The following FKBP15 variants were observed in gnomAD, a reference collection of about 807,000 sequenced individuals.
FKBP15 encodes the protein FK506-binding protein 15.
A neutral mutation model predicts 158.1 loss-of-function variants in FKBP15; 106 were observed. The observed-to-expected ratio is 0.67, with a 90% confidence interval of 0.57 to 0.79. FKBP15 has a LOEUF of 0.79. FKBP15 is among the 30% of genes least tolerant of loss of function. The pLI is 0.00. For synonymous variants in FKBP15, 547 were observed against 548.6 expected, an observed-to-expected ratio of 1.00 and a Z score of 0.04; for missense variants, 1,287 against 1,479.1, an observed-to-expected ratio of 0.87 and a Z score of 2.13.
rs1256851020 is a variant in FKBP15 at position 113,161,214 on chromosome 9, CAAG to C, written c.*4861_*4863del. On this transcript the variant is annotated 3_prime_UTR_variant, in exon 28 of 28. Transcript: ENST00000238256. ...GGACCTTGCAGTACTCATCACTTAACAAGAAGTCACGACAGATTTGTGCAGCCT... is the reference window on the plus strand; with the variant it reads ...GGACCTTGCAGTACTCATCACTTAACAAGTCACGACAGATTTGTGCAGCCT... 2.4e-6 allele frequency: 1 copy of C among 412,644 alleles called. No homozygotes were observed. The highest frequency in any genetic ancestry group is 5.1e-5 in the East Asian group (1 of 19,776). 25.6% of individuals were successfully genotyped at this position (412,644 alleles called of 1,614,324 possible). A position where few individuals can be genotyped will look rare whatever the true frequency, so the allele number is the denominator to read the frequency against.
At chr9:113,183,717 G>A (rs771426816) in intron 18 of FKBP15, 34 bp downstream of exon 18, 1 of 1,432,126 alleles carries the variant, frequency 7.0e-7, no homozygotes, top group African/African-American at 1.4e-5. Context: ...AAACCCTTTT[G>A]TCCATCCTAG....
intron 22 of FKBP15, 42 bp from the exon 23 acceptor site, chr9:113,173,647 G>A: frequency 6.3e-7 from 1 of 1,591,584 alleles, no homozygotes; most frequent in Non-Finnish European, 8.6e-7. Context: ...TTGGGGGTGG[G>A]GGAGTGAGAT....
intron 13 of FKBP15, 87 bp downstream of exon 13, chr9:113,188,302 A>G (rs879141079): frequency 2.9e-6 from 3 of 1,038,308 alleles, no homozygotes; most frequent in South Asian, 2.8e-5. Flanking sequence ...GTACTGAAAC[A>G]ATGCAGCCTA....
chr9:113,178,390 C>G (rs557736441), intron 20 of FKBP15, among the ~76,000 whole-genome samples: 3 of 152,302 alleles, frequency 2.0e-5, no homozygotes, highest in Admixed American at 2.0e-4. Context: ...GATTTTGAAG[C>G]CAACACCTCC....
chr9:113,182,056 A>T (rs1289847304), intron 19 of FKBP15, among the ~76,000 whole-genome samples: 4 of 152,250 alleles, frequency 2.6e-5, no homozygotes, highest in African/African-American at 9.6e-5. Context: ...TCCTCATTAC[A>T]GAATATGAGA....
intron 27 of FKBP15, 33 bp downstream of exon 27, chr9:113,168,427 G>A: frequency 6.3e-7 from 1 of 1,578,160 alleles, no homozygotes; most frequent in Non-Finnish European, 8.7e-7. Context: ...AGGTGGGTGT[G>A]TGAGGACTTG....
At position 113,165,618 on chromosome 9, in the gene FKBP15, A is replaced by G. The variant is rs539521211; in HGVS notation, c.*460T>C. 2 of 154,624 alleles carry G rather than the reference A, an allele frequency of 1.3e-5. No individual in the cohort carries two copies. The highest frequency in any genetic ancestry group is 3.7e-4 in the East Asian group (2 of 5,338). The allele number at this position is 154,624 out of a possible 1,614,324, so 9.6% of individuals were successfully genotyped here. On this transcript the variant is annotated 3_prime_UTR_variant, in exon 28 of 28. Transcript: ENST00000238256. ...AGAAGAAGATACATGTCCCAGGACT[A>G]TAGGCCAGGCTGTTGACTGCACTGG...
rs952341863 is a variant in FKBP15, at chr9:113,165,023, A to AT, written c.*1054dup. On this transcript the variant is annotated 3_prime_UTR_variant, in exon 28 of 28. Coordinates refer to ENST00000238256, the MANE Select transcript of FKBP15 (RefSeq NM_015258.2). ...TTTAAAACATTTAAAATCAAGAAAC[A>AT]TTTTTTATTAAAATTAATTATTCTG... The AT allele has an allele frequency of 2.0e-5, 3 of 150,864 alleles. No individual in the cohort carries two copies. The highest frequency in any genetic ancestry group is 4.9e-5 in the African/African-American group (2 of 40,956). The allele number at this position is 150,864 out of a possible 1,614,324, so 9.3% of individuals were successfully genotyped here. A position where few individuals can be genotyped will look rare whatever the true frequency, so the allele number is the denominator to read the frequency against.
At chr9:113,217,101 A>G (rs1347986232) in intron 1 of FKBP15, among the ~76,000 whole-genome samples, 2 of 149,682 alleles carry the variant, frequency 1.3e-5, no homozygotes, top group African/African-American at 5.0e-5. Context: ...ATGGGGTTTC[A>G]CCACATTGGC....
At chr9:113,187,627 T>C (rs1830507239) in intron 14 of FKBP15, 166 bp downstream of exon 14, 5 of 616,176 alleles carry the variant, frequency 8.1e-6, no homozygotes, top group Non-Finnish European at 1.2e-5. Context: ...TAGGTTATCC[T>C]TTGCCTGGTT....
intron 4 of FKBP15, among the ~76,000 whole-genome samples, chr9:113,204,710 G>A (rs907359645): frequency 4.6e-5 from 7 of 151,994 alleles, no homozygotes; most frequent in Non-Finnish European, 1.0e-4. Context: ...TACTGCCTTC[G>A]AAGTCACTAA....
At position 113,169,219 on chromosome 9, in the gene FKBP15, C is replaced by T. The variant is rs780419729; in HGVS notation, c.3485+5G>A. ...GTCCCTGAAGCAGTGCTCAGAGGAACATACCTGGAACGCTGGGAATGATGG... is the reference window on the plus strand; with the variant it reads ...GTCCCTGAAGCAGTGCTCAGAGGAATATACCTGGAACGCTGGGAATGATGG... On this transcript the variant is annotated splice_donor_5th_base_variant and intron_variant, in intron 26 of 27. Coordinates refer to ENST00000238256, the MANE Select transcript of FKBP15 (RefSeq NM_015258.2). The T allele has an allele frequency of 4.3e-6, 7 of 1,609,766 alleles. No homozygotes were observed. The African/African-American group carries it at 5.3e-5, about 12-fold the overall frequency.
At chr9:113,182,653 T>C (rs1009199603) in intron 19 of FKBP15, 113 bp downstream of exon 19, 2 of 757,082 alleles carry the variant, frequency 2.6e-6, no homozygotes, top group Non-Finnish European at 4.6e-6. Context: ...TCTAGTTCTT[T>C]TTGCAGTGAC....
chr9:113,204,709 C>T (rs547941384), intron 4 of FKBP15, among the ~76,000 whole-genome samples: 3 of 152,302 alleles, frequency 2.0e-5, no homozygotes, highest in East Asian at 1.9e-4. Flanking sequence ...TTACTGCCTT[C>T]GAAGTCACTA....
intron 6 of FKBP15, among the ~76,000 whole-genome samples, chr9:113,201,229 A>C (rs1830786281): frequency 6.6e-6 from 1 of 152,118 alleles, no homozygotes; most frequent in Non-Finnish European, 1.5e-5. Flanking sequence ...GCAGTGTGCC[A>C]AAGTGTATTA....
At chr9:113,191,507 C>A (rs1173184566) in intron 11 of FKBP15, among the ~76,000 whole-genome samples, 3 of 150,804 alleles carry the variant, frequency 2.0e-5, no homozygotes, top group African/African-American at 7.3e-5. Flanking sequence ...GATGATGTAT[C>A]CAAAAAAAGT....
At chr9:113,217,932 C>G (rs1052148253) in intron 1 of FKBP15, among the ~76,000 whole-genome samples, 1 of 151,980 alleles carries the variant, frequency 6.6e-6, no homozygotes, top group African/African-American at 2.4e-5. Flanking sequence ...CCTATGTTGG[C>G]AAGAATGAGC....
Position 113,184,526 on chromosome 9 carries a change from A to T in FKBP15, c.1609-127T>A. On this transcript the variant is annotated intron_variant, in intron 16 of 27. Transcript: ENST00000238256. The surrounding 1 kb of genome is among the most constrained non-coding windows in gnomAD (Gnocchi z 4.5). ...TGGGACAATCTCTAACTGTTAAGTT[A>T]GAGTTTTCTCCTACTAACTGGATCC... The T allele has an allele frequency of 1.1e-6, 1 of 939,706 alleles. No homozygotes were observed. Among genetic ancestry groups the T allele is most frequent in the Non-Finnish European group, 1.7e-6 (1 of 604,994 alleles). 58.2% of individuals were successfully genotyped at this position (939,706 alleles called of 1,614,324 possible).
intron 6 of FKBP15, among the ~76,000 whole-genome samples, chr9:113,202,063 CT>C (rs1481560906): frequency 2.0e-5 from 3 of 151,838 alleles, no homozygotes; most frequent in Non-Finnish European, 4.4e-5. Flanking sequence ...CTCTCTCTTT[CT>C]TTCTTTTCTT....
Sources: gnomAD v4.1 joint callset for allele counts (sites outside exome capture counted in the v4.1 genomes callset) on GRCh38, gnomAD v4.1.1 for gene constraint, Gnocchi (gnomAD v3.1) non-coding constraint, MANE v1.5 for transcripts, NCBI Gene and HGNC (gene_info 2026-07-23, HGNC 2026-07-21) for gene names.